Variants in TMEM132D observed in about 807,000 individuals in gnomAD.
TMEM132D encodes transmembrane protein 132D.
TMEM132D carries 21 observed loss-of-function variants against 62.3 expected under a neutral mutation model. That is an observed-to-expected ratio of 0.34 (90% CI 0.24 to 0.49). The LOEUF is 0.49. Among genes scored for constraint, TMEM132D ranks in the 20% least tolerant of loss-of-function variants. TMEM132D has a pLI of 0.99. For synonymous variants in TMEM132D, 621 were observed against 575.6 expected (o/e 1.08, Z -1.13); for missense variants, 1,346 against 1,402.8 (o/e 0.96, Z 0.65).
intron 1 of TMEM132D, among the ~76,000 whole-genome samples, chr12:129,702,595 TC>T (rs1881408526): frequency 6.6e-6 from 1 of 152,202 alleles, no homozygotes; most frequent in South Asian, 2.1e-4. Context: ...ACTGTATGAT[TC>T]TGGGTTATGG....
intron 4 of TMEM132D, among the ~76,000 whole-genome samples, chr12:129,214,113 C>T (rs1477099705): frequency 1.3e-5 from 2 of 152,156 alleles, no homozygotes; most frequent in East Asian, 3.9e-4. Flanking sequence ...AAAGGAAGCT[C>T]CCGATGGATG....
chr12:129,702,454 T>C (rs1180277999), intron 1 of TMEM132D, among the ~76,000 whole-genome samples: 1 of 152,246 alleles, frequency 6.6e-6, no homozygotes, highest in Non-Finnish European at 1.5e-5. Flanking sequence ...ATGTGAGTTA[T>C]AGTAAAAACA....
At chr12:129,747,214 T>TTCTCCC (rs1555229163) in intron 1 of TMEM132D, among the ~76,000 whole-genome samples, 2 of 5,964 alleles carry the variant, frequency 3.4e-4, no homozygotes, top group Admixed American at 2.2e-3. Flanking sequence ...TTACTCCTCC[T>TTCTCCC]TCCAGCCACC....
At chr12:129,311,837 G>A (rs754280023) in intron 4 of TMEM132D, among the ~76,000 whole-genome samples, 9 of 152,148 alleles carry the variant, frequency 5.9e-5, no homozygotes, top group African/African-American at 1.7e-4. Context: ...CAGGAATACC[G>A]AAGGAGAGAG....
At chr12:129,828,522 G>A (rs912796779) in intron 1 of TMEM132D, among the ~76,000 whole-genome samples, 34 of 150,864 alleles carry the variant, frequency 2.3e-4, no homozygotes, top group Non-Finnish European at 2.9e-4. Flanking sequence ...TACCTATTAC[G>A]TTGGTACAAT....
In TMEM132D at chr12:129,654,299, T is replaced by A. The variant is rs76670629; in HGVS notation, c.968+45511A>T. On this transcript the variant is annotated intron_variant, in intron 2 of 8. Coordinates refer to ENST00000422113, the MANE Select transcript of TMEM132D (RefSeq NM_133448.3). ...TCTCTCGTGTGTGTGTGTGTGTGAG[T>A]GTGTGTGTGTGTGTGTGTGTTCTGA... 7.1e-3 allele frequency among the ~76,000 whole-genome samples: 264 copies of A among 37,060 alleles called. 3 individuals are homozygous for A. The highest frequency in any genetic ancestry group is 8.3e-3 in the Non-Finnish European group (105 of 12,676). 24.3% of individuals were successfully genotyped at this position (37,060 alleles called of 152,430 possible).
intron 5 of TMEM132D, among the ~76,000 whole-genome samples, chr12:129,135,322 T>C (rs904011839): frequency 2.0e-5 from 3 of 152,200 alleles, no homozygotes; most frequent in Non-Finnish European, 2.9e-5. Flanking sequence ...CATGACCTCA[T>C]GGGAATCACT....
At chr12:129,890,673 C>A (rs1041084317) in intron 1 of TMEM132D, among the ~76,000 whole-genome samples, 1 of 152,220 alleles carries the variant, frequency 6.6e-6, no homozygotes, top group African/African-American at 2.4e-5. Context: ...TCTTCTGCAG[C>A]TGTATTATAC....
chr12:129,803,309 T>C (rs1423969166), intron 1 of TMEM132D, among the ~76,000 whole-genome samples: 1 of 149,398 alleles, frequency 6.7e-6, no homozygotes, highest in Non-Finnish European at 1.5e-5. Flanking sequence ...CCTCAGCAAA[T>C]GTAAAAGAAC....
intron 4 of TMEM132D, among the ~76,000 whole-genome samples, chr12:129,308,571 C>G (rs1263871076): frequency 6.6e-6 from 1 of 152,190 alleles, no homozygotes; most frequent in Non-Finnish European, 1.5e-5. Flanking sequence ...CTTCAAAATA[C>G]TCGATGACCC....
chr12:129,813,274 T>C (rs10773711), intron 1 of TMEM132D, among the ~76,000 whole-genome samples: 129,435 of 151,420 alleles, frequency 0.85, 55,577 homozygotes, highest in Non-Finnish European at 0.88. Context: ...CCTCACATAC[T>C]CCCGACCTCT....
At chr12:129,875,764 C>T (rs1478082008) in intron 1 of TMEM132D, among the ~76,000 whole-genome samples, 4 of 152,072 alleles carry the variant, frequency 2.6e-5, no homozygotes, top group Non-Finnish European at 4.4e-5. Flanking sequence ...CCAGGGCTTC[C>T]GATTTTCGAG....
At chr12:129,082,091 G>A (rs766685418) in intron 6 of TMEM132D, 59 bp from the exon 7 acceptor site, 61 of 1,537,134 alleles carry the variant, frequency 4.0e-5, no homozygotes, top group Middle Eastern at 2.4e-4. Flanking sequence ...GTAAGGGGCC[G>A]TGTGTGGAGC....
At chr12:129,300,518 C>A (rs1003042397) in intron 4 of TMEM132D, among the ~76,000 whole-genome samples, 5 of 152,162 alleles carry the variant, frequency 3.3e-5, no homozygotes, top group African/African-American at 9.7e-5. Flanking sequence ...TGGCTTGAAA[C>A]AACAAATTAC....
intron 3 of TMEM132D, among the ~76,000 whole-genome samples, chr12:129,343,581 T>G (rs1334103058): frequency 6.6e-6 from 1 of 151,664 alleles, no homozygotes; most frequent in Non-Finnish European, 1.5e-5. Flanking sequence ...ATAATAATAA[T>G]AAAATTAAAA....
chr12:129,898,201 T>C (rs1374430207), intron 1 of TMEM132D, among the ~76,000 whole-genome samples: 1 of 152,180 alleles, frequency 6.6e-6, no homozygotes, highest in Non-Finnish European at 1.5e-5. Flanking sequence ...AAAGGCAGCA[T>C]CAAACCACTG....
intron 3 of TMEM132D, among the ~76,000 whole-genome samples, chr12:129,403,254 G>A (rs984763290): frequency 6.1e-5 from 9 of 146,758 alleles, no homozygotes; most frequent in Admixed American, 2.8e-4. Context: ...TCCAGCCCGC[G>A]GAGGTTAGAA....
At chr12:129,812,801 A>AC (rs1872226069) in intron 1 of TMEM132D, among the ~76,000 whole-genome samples, 1 of 151,228 alleles carries the variant, frequency 6.6e-6, no homozygotes, top group Admixed American at 6.6e-5. Context: ...GCCCCCCTTA[A>AC]CCTCTCCATA....
chr12:129,622,288 T>C (rs1879094399), intron 2 of TMEM132D, among the ~76,000 whole-genome samples: 2 of 152,280 alleles, frequency 1.3e-5, no homozygotes, highest in African/African-American at 4.8e-5. Context: ...GTGTGGGCGA[T>C]GACGAGAAGA....
Sources: gnomAD v4.1 joint callset for allele counts (sites outside exome capture counted in the v4.1 genomes callset) on GRCh38, gnomAD v4.1.1 for gene constraint, MANE v1.5 for transcripts, NCBI Gene and HGNC (gene_info 2026-07-23, HGNC 2026-07-21) for gene names.